CAMK1D: variants seen among roughly 807,000 people sequenced by gnomAD.
The protein encoded by CAMK1D is calcium/calmodulin dependent protein kinase ID.
Under a neutral mutation model 47.7 loss-of-function variants are expected in CAMK1D, and 9 were observed. The observed-to-expected ratio is 0.19, with a 90% CI of 0.11 to 0.33. The LOEUF (loss-of-function observed/expected upper bound fraction) is 0.33. CAMK1D is among the 10% of genes least tolerant of loss of function. The probability of loss-of-function intolerance (pLI) is 1.00; values close to 1 mark genes in which losing one functional copy is unlikely to be tolerated. For synonymous variants in CAMK1D, 184 were observed against 184.9 expected (o/e 0.99, Z 0.04); for missense variants, 291 against 488.7 (o/e 0.60, Z 3.81).
intron 10 of CAMK1D, among the ~76,000 whole-genome samples, chr10:12,827,649 TCCTCTC>T (rs1267500358): frequency 1.4e-4 from 1 of 6,930 alleles, no homozygotes; most frequent in East Asian, 8.8e-3. Flanking sequence ...CTCTCCCCTC[TCCTCTC>T]TCCTCTCTCC....
rs141985723 is a variant in CAMK1D, at chr10:12,607,926, G to A, written c.224+54570G>A. On this transcript the variant is annotated intron_variant, in intron 2 of 10. Coordinates refer to ENST00000619168, the MANE Select transcript of CAMK1D (RefSeq NM_153498.4). ...CAGTGAGCTGTGATCACATTACTGCGCTCCAGCCTAGGTGACAGAGGGAGA... is the reference window on the plus strand; with the variant it reads ...CAGTGAGCTGTGATCACATTACTGCACTCCAGCCTAGGTGACAGAGGGAGA... Among the ~76,000 whole-genome samples the A allele has an allele frequency of 5.9e-3, 899 of 152,022 alleles. 6 individuals carry two copies. The highest frequency in any genetic ancestry group is 9.5e-3 in the Non-Finnish European group (647 of 67,986).
chr10:12,670,977 T>A (rs1840597785), intron 3 of CAMK1D, among the ~76,000 whole-genome samples: 1 of 152,204 alleles, frequency 6.6e-6, no homozygotes, highest in Non-Finnish European at 1.5e-5. Flanking sequence ...CCTCCCTTAG[T>A]CTCTTGCAAC....
chr10:12,501,115 C>G (rs181147618), intron 1 of CAMK1D, among the ~76,000 whole-genome samples: 465 of 152,374 alleles, frequency 3.1e-3, no homozygotes, highest in African/African-American at 0.011. Context: ...TCACTCCATT[C>G]TGCTCACAAA....
chr10:12,523,174 C>T (rs1216056709), intron 1 of CAMK1D, among the ~76,000 whole-genome samples: 1 of 151,408 alleles, frequency 6.6e-6, no homozygotes, highest in African/African-American at 2.4e-5. Flanking sequence ...AGGCGCTCCT[C>T]ACATCCCAGA....
intron 1 of CAMK1D, among the ~76,000 whole-genome samples, chr10:12,398,893 A>G (rs1472530871): frequency 6.6e-6 from 1 of 151,868 alleles, no homozygotes; most frequent in African/African-American, 2.4e-5. Context: ...GTTTTTATAG[A>G]TGTTAGTACA....
intron 8 of CAMK1D, 117 bp from the exon 9 acceptor site, chr10:12,824,348 A>T: frequency 1.2e-6 from 1 of 825,156 alleles, no homozygotes; most frequent in Non-Finnish European, 2.0e-6. Context: ...GCGGCCAGCC[A>T]CCCTGTCCAC....
chr10:12,524,284 C>T (rs1312322899), intron 1 of CAMK1D, among the ~76,000 whole-genome samples: 2 of 151,994 alleles, frequency 1.3e-5, no homozygotes, highest in Non-Finnish European at 2.9e-5. Context: ...AATATACATA[C>T]CTACCATTCA....
chr10:12,740,550 A>G (rs1038691982), intron 3 of CAMK1D, among the ~76,000 whole-genome samples: 3 of 152,206 alleles, frequency 2.0e-5, no homozygotes, highest in Non-Finnish European at 2.9e-5. Flanking sequence ...GTGAACTGAG[A>G]TCATGCCACT....
intron 2 of CAMK1D, among the ~76,000 whole-genome samples, chr10:12,602,719 A>G (rs1374870994): frequency 6.6e-6 from 1 of 151,876 alleles, no homozygotes; most frequent in East Asian, 1.9e-4. Flanking sequence ...GAGGACCTGC[A>G]TTGTTTCAGG....
At chr10:12,464,542 G>A (rs10906153) in intron 1 of CAMK1D, among the ~76,000 whole-genome samples, 7,971 of 152,212 alleles carry the variant, frequency 0.052, 507 homozygotes, top group African/African-American at 0.14. Flanking sequence ...AAGGCCGGGC[G>A]CCGTGGCTCA....
At chr10:12,486,020 C>T (rs926472200) in intron 1 of CAMK1D, among the ~76,000 whole-genome samples, 13 of 152,268 alleles carry the variant, frequency 8.5e-5, no homozygotes, top group African/African-American at 2.6e-4. Context: ...CAGAGAGTCT[C>T]GTCTCCAGCT....
chr10:12,821,993 A>T (rs1272656641), intron 8 of CAMK1D, among the ~76,000 whole-genome samples: 1 of 152,082 alleles, frequency 6.6e-6, no homozygotes, highest in Non-Finnish European at 1.5e-5. Flanking sequence ...AGAAAACAGA[A>T]AAGCAAGGGA....
At chr10:12,575,272 T>C (rs948420012) in intron 2 of CAMK1D, among the ~76,000 whole-genome samples, 5 of 152,050 alleles carry the variant, frequency 3.3e-5, no homozygotes, top group Admixed American at 2.0e-4. Context: ...TTTATATTTT[T>C]AGTAGAGATG....
At chr10:12,815,476 T>C (rs371277944) in intron 7 of CAMK1D, among the ~76,000 whole-genome samples, 2 of 152,266 alleles carry the variant, frequency 1.3e-5, no homozygotes, top group African/African-American at 4.8e-5. Context: ...TGGAGTATAG[T>C]TGTACAAGGC....
At chr10:12,799,655 G>C (rs1838345477) in intron 6 of CAMK1D, among the ~76,000 whole-genome samples, 3 of 152,176 alleles carry the variant, frequency 2.0e-5, no homozygotes, top group Admixed American at 6.5e-5. Context: ...CTTTGTCCCA[G>C]GTGTGCGCTC....
At chr10:12,353,834 G>A (rs1837419147) in intron 1 of CAMK1D, among the ~76,000 whole-genome samples, 1 of 152,066 alleles carries the variant, frequency 6.6e-6, no homozygotes, top group African/African-American at 2.4e-5. Flanking sequence ...TTATGTAATG[G>A]CAAATTAGGA....
intron 2 of CAMK1D, among the ~76,000 whole-genome samples, chr10:12,602,939 C>T (rs902637845): frequency 6.2e-5 from 3 of 48,366 alleles, no homozygotes; most frequent in East Asian, 7.5e-4. Context: ...GACAGAGTCT[C>T]GCCCTGTTGC....
chr10:12,628,728 A>T (rs916347614), intron 2 of CAMK1D, among the ~76,000 whole-genome samples: 1 of 152,156 alleles, frequency 6.6e-6, no homozygotes, highest in African/African-American at 2.4e-5. Flanking sequence ...ACCATCATAG[A>T]GGCCTGCAGA....
intron 4 of CAMK1D, among the ~76,000 whole-genome samples, chr10:12,767,261 T>A (rs1836809207): frequency 6.6e-6 from 1 of 152,324 alleles, no homozygotes; most frequent in Admixed American, 6.5e-5. Context: ...CACTGCAACC[T>A]GCGCCTCCCA....
Sources: gnomAD v4.1 joint callset for allele counts (sites outside exome capture counted in the v4.1 genomes callset) on GRCh38, gnomAD v4.1.1 for gene constraint, MANE v1.5 for transcripts, NCBI Gene and HGNC (gene_info 2026-07-23, HGNC 2026-07-21) for gene names.